The following ARHGAP39 variants were observed in gnomAD, a reference collection of about 807,000 sequenced individuals.
ARHGAP39 encodes the protein rho GTPase-activating protein 39.
In ARHGAP39, 44 loss-of-function variants were observed where a neutral mutation model predicts 106.9. The ratio of observed to expected loss-of-function variants is 0.41; its 90% CI spans 0.32 to 0.53. The LOEUF is 0.53. Among genes scored for constraint, ARHGAP39 ranks in the 20% least tolerant of loss-of-function variants. ARHGAP39 has a pLI of 0.21. For missense variants in ARHGAP39, 1,496 were observed against 1,577.3 expected (o/e 0.95, Z 0.87); for synonymous variants, 768 against 693.2 (o/e 1.11, Z -1.69).
intron 9 of ARHGAP39, 129 bp downstream of exon 9, chr8:144,532,997 A>G (rs1816789972): frequency 1.7e-6 from 2 of 1,151,570 alleles, no homozygotes; most frequent in African/African-American, 1.5e-5. Flanking sequence ...CCACCCTTCC[A>G]TCTGCTCTCA....
At chr8:144,648,288 G>A (rs775560492) in intron 1 of ARHGAP39, among the ~76,000 whole-genome samples, 12 of 152,200 alleles carry the variant, frequency 7.9e-5, no homozygotes, top group Non-Finnish European at 1.5e-4. Flanking sequence ...CCCATGCCAA[G>A]CTGCTCCTGA....
intron 3 of ARHGAP39, among the ~76,000 whole-genome samples, chr8:144,567,660 C>G (rs1280891744): frequency 6.6e-6 from 1 of 152,258 alleles, no homozygotes; most frequent in East Asian, 1.9e-4. Flanking sequence ...ATCCTGTACA[C>G]CTGGCTCTGC....
chr8:144,552,966 G>C (rs985499245), intron 4 of ARHGAP39, among the ~76,000 whole-genome samples: 1 of 152,172 alleles, frequency 6.6e-6, no homozygotes, highest in Non-Finnish European at 1.5e-5. Context: ...AAGGCCTTCC[G>C]AGCCCAGCGG....
intron 1 of ARHGAP39, among the ~76,000 whole-genome samples, chr8:144,614,909 G>GTTCC (rs1820594471): frequency 1.3e-5 from 2 of 152,174 alleles, no homozygotes; most frequent in South Asian, 4.1e-4. Flanking sequence ...TTCCCTTACT[G>GTTCC]TTCCCTCTAA....
At chr8:144,562,220 G>A (rs1818206538) in intron 3 of ARHGAP39, among the ~76,000 whole-genome samples, 1 of 146,634 alleles carries the variant, frequency 6.8e-6, no homozygotes, top group South Asian at 2.2e-4. Flanking sequence ...GGTTTCCATT[G>A]GACTCACCCC....
chr8:144,613,342 T>C (rs530252208), intron 1 of ARHGAP39, among the ~76,000 whole-genome samples: 4 of 152,368 alleles, frequency 2.6e-5, no homozygotes, highest in Non-Finnish European at 4.4e-5. Flanking sequence ...TTCCACATGG[T>C]TTTGTTTTCC....
Position 144,670,278 on chromosome 8 carries a change from G to C in ARHGAP39, c.-82+15408C>G, listed in dbSNP as rs541051271. 6.6e-6 allele frequency among the ~76,000 whole-genome samples: 1 copy of C among 152,028 alleles called. No homozygotes were observed. Among genetic ancestry groups the C allele is most frequent in the East Asian group, 1.9e-4 (1 of 5,176 alleles). Reference sequence around the variant, plus strand: ...GCGGCTGTAAAAAGCAACAGAGCTCGGACGCGTGCTAGAGTGTACCGGGAA... The same window carrying C: ...GCGGCTGTAAAAAGCAACAGAGCTCCGACGCGTGCTAGAGTGTACCGGGAA... On this transcript the variant is annotated intron_variant, in intron 1 of 11. Transcript: ENST00000377307. The surrounding 1 kb of genome is among the most constrained non-coding windows in gnomAD (Gnocchi z 4.4).
At chr8:144,569,166 T>G (rs190655845) in intron 3 of ARHGAP39, among the ~76,000 whole-genome samples, 2 of 152,210 alleles carry the variant, frequency 1.3e-5, no homozygotes, top group Non-Finnish European at 2.9e-5. Context: ...AGTGCCAAGA[T>G]TAATGTAAGT....
rs993263888 is a variant in ARHGAP39, at chr8:144,534,201, C to T, written c.2616G>A (p.Gly872=). 9.3e-6 allele frequency: 15 copies of T among 1,613,292 alleles called. No individual in the cohort carries two copies. The highest frequency in any genetic ancestry group is 1.7e-5 in the Admixed American group (1 of 59,990). The change falls in exon 8 of 12, where the codon GGG becomes GGA. Residue 872 remains glycine (G), a splice_region_variant and synonymous_variant. Coordinates refer to ENST00000377307, the MANE Select transcript of ARHGAP39 (RefSeq NM_025251.3). ...KPKPYVEEPD[G]VAISTYAKYC... is the part of the protein sequence containing the mutation. ...ACTTGGCATACGTGCTTATCGCCAC[C>T]CCTGGAAAGGAAAGGGGCCTGATCA...
At chr8:144,639,055 G>A (rs1226097127) in intron 1 of ARHGAP39, among the ~76,000 whole-genome samples, 2 of 152,174 alleles carry the variant, frequency 1.3e-5, no homozygotes, top group Non-Finnish European at 2.9e-5. Flanking sequence ...GGCCAGGAGC[G>A]GTGGCTCACG....
intron 3 of ARHGAP39, among the ~76,000 whole-genome samples, chr8:144,577,742 GAAAC>G (rs1457386846): frequency 4.2e-4 from 64 of 152,218 alleles, no homozygotes; most frequent in South Asian, 2.1e-4. Flanking sequence ...GGACAATCCA[GAAAC>G]AAACAAACAA....
At chr8:144,611,818 C>A (rs1820498258) in intron 1 of ARHGAP39, among the ~76,000 whole-genome samples, 1 of 152,058 alleles carries the variant, frequency 6.6e-6, no homozygotes, top group Non-Finnish European at 1.5e-5. Flanking sequence ...GAGTTCAAGA[C>A]CAGCCTGGGC....
the ARHGAP39 span, among the ~76,000 whole-genome samples, chr8:144,693,233 T>G: frequency 6.7e-6 from 1 of 149,128 alleles, no homozygotes; most frequent in Non-Finnish European, 1.5e-5. Flanking sequence ...CCCAGCTGAT[T>G]TTTGTATTTT....
At chr8:144,638,259 A>G (rs1037337587) in intron 1 of ARHGAP39, among the ~76,000 whole-genome samples, 2 of 152,030 alleles carry the variant, frequency 1.3e-5, no homozygotes, top group Non-Finnish European at 2.9e-5. Flanking sequence ...CTTCTCTCCT[A>G]CCTCTGATTG....
chr8:144,575,869 G>A (rs1435486448), intron 3 of ARHGAP39, among the ~76,000 whole-genome samples: 1 of 152,172 alleles, frequency 6.6e-6, no homozygotes, highest in Non-Finnish European at 1.5e-5. Context: ...GTACGGTGTT[G>A]CACACAACCA....
In ARHGAP39 at chr8:144,646,119, C is replaced by T. The variant is rs891636981; in HGVS notation, c.-82+39567G>A. On this transcript the variant is annotated intron_variant, in intron 1 of 11. Transcript: ENST00000377307. The surrounding 1 kb of genome is among the most constrained non-coding windows in gnomAD (Gnocchi z 5.7). Reference sequence around the variant, plus strand: ...CCCCACCGGTGGCACCAAATGTCCGCCAGCAAGGACGGACACATCGCAAGC... The same window carrying T: ...CCCCACCGGTGGCACCAAATGTCCGTCAGCAAGGACGGACACATCGCAAGC... Among the ~76,000 whole-genome samples the T allele has an allele frequency of 8.5e-5, 13 of 152,222 alleles. No homozygotes were observed. Among genetic ancestry groups the T allele is most frequent in the African/African-American group, 2.4e-4 (10 of 41,456 alleles).
Position 144,665,750 on chromosome 8 carries a change from T to C in ARHGAP39, c.-82+19936A>G, listed in dbSNP as rs545968371. The stretch of plus-strand genomic sequence containing the variant: ...CTCCACCTAGATTTCAGAAGATGTA[T>C]GGAAACGCCTGGATGCCCAGGCAGA... On this transcript the variant is annotated intron_variant, in intron 1 of 11. Coordinates refer to ENST00000377307, the MANE Select transcript of ARHGAP39 (RefSeq NM_025251.3). Among the ~76,000 whole-genome samples, 16 of 152,330 alleles carry C rather than the reference T, an allele frequency of 1.1e-4. No homozygotes were observed. The South Asian group carries it at 3.3e-3, about 32-fold the overall frequency.
At chr8:144,568,010 C>T (rs367641079) in intron 3 of ARHGAP39, among the ~76,000 whole-genome samples, 13 of 152,116 alleles carry the variant, frequency 8.5e-5, no homozygotes, top group East Asian at 7.7e-4. Context: ...TCTACAATCT[C>T]GTCTCCGCAC....
Position 144,656,807 on chromosome 8 carries a change from C to CAAAAAAAA in ARHGAP39, c.-82+28871_-82+28878dup, listed in dbSNP as rs35058065. 5.7e-4 allele frequency among the ~76,000 whole-genome samples: 24 copies of CAAAAAAAA among 42,338 alleles called. 2 individuals carry two copies. The highest frequency in any genetic ancestry group is 1.6e-3 in the South Asian group (1 of 616). 27.8% of individuals were successfully genotyped at this position (42,338 alleles called of 152,430 possible). On this transcript the variant is annotated intron_variant, in intron 1 of 11. Coordinates refer to ENST00000377307, the MANE Select transcript of ARHGAP39 (RefSeq NM_025251.3). ...TGGATGACAGAGCAAGACTCCATCT[C>CAAAAAAAA]AAAAAAAAAAAAAAAAAAAAAAAAA...
Sources: gnomAD v4.1 joint callset for allele counts (sites outside exome capture counted in the v4.1 genomes callset) on GRCh38, gnomAD v4.1.1 for gene constraint, Gnocchi (gnomAD v3.1) non-coding constraint, MANE v1.5 for transcripts, NCBI Gene and HGNC (gene_info 2026-07-23, HGNC 2026-07-21) for gene names.